The following WWOX variants were observed in gnomAD, a reference collection of about 807,000 sequenced individuals.
WWOX encodes the protein WW domain-containing oxidoreductase.
A neutral mutation model predicts 46.2 loss-of-function variants in WWOX; 69 were observed. That is an observed-to-expected ratio of 1.49 (90% CI 1.23 to 1.82). The LOEUF is 1.82. WWOX is among the 40% of genes most tolerant of loss of function. The pLI is 0.00. For synonymous variants in WWOX, 359 were observed against 202.6 expected (o/e 1.77, Z -6.56); for missense variants, 919 against 542.6 (o/e 1.69, Z -6.89).
intron 8 of WWOX, among the ~76,000 whole-genome samples, chr16:79,149,658 A>G (rs1333295955): frequency 6.6e-6 from 1 of 152,214 alleles, no homozygotes; most frequent in Admixed American, 6.5e-5. Flanking sequence ...TGTCTCATAA[A>G]TAATCTGCCT....
intron 8 of WWOX, among the ~76,000 whole-genome samples, chr16:78,719,503 T>C (rs1304898991): frequency 6.6e-6 from 1 of 152,212 alleles, no homozygotes; most frequent in African/African-American, 2.4e-5. Flanking sequence ...GAGGAGTGTC[T>C]AGATGAAATG....
chr16:78,498,900 C>T (rs984229477), intron 8 of WWOX, among the ~76,000 whole-genome samples: 1 of 152,042 alleles, frequency 6.6e-6, no homozygotes, highest in African/African-American at 2.4e-5. Context: ...GCAACTTCCT[C>T]GATTGTCTCT....
At position 78,668,533 on chromosome 16, in the gene WWOX, C is replaced by T. The variant is rs142166017; in HGVS notation, c.1056+235781C>T. Among the ~76,000 whole-genome samples the T allele has an allele frequency of 9.9e-5, 15 of 152,232 alleles. No individual in the cohort carries two copies. The East Asian group carries it at 2.9e-3, about 30-fold the overall frequency. Reference sequence around the variant, plus strand: ...TTGAGTAAGAACAAGCAGGAACAAACAATTAGAACATTTAGTGTGGCAAGG... The same window carrying T: ...TTGAGTAAGAACAAGCAGGAACAAATAATTAGAACATTTAGTGTGGCAAGG... On this transcript the variant is annotated intron_variant, in intron 8 of 8. Coordinates refer to ENST00000566780, the MANE Select transcript of WWOX (RefSeq NM_016373.4).
chr16:78,863,166 C>T (rs1351826668), intron 8 of WWOX, among the ~76,000 whole-genome samples: 1 of 152,046 alleles, frequency 6.6e-6, no homozygotes, highest in Non-Finnish European at 1.5e-5. Context: ...CCATGTTGGC[C>T]AGACTGGTCT....
intron 5 of WWOX, among the ~76,000 whole-genome samples, chr16:78,217,433 A>C (rs1192288252): frequency 6.6e-6 from 1 of 152,210 alleles, no homozygotes; most frequent in Admixed American, 6.5e-5. Context: ...TGAGCAGCAG[A>C]ACAAAAATCG....
intron 8 of WWOX, chr16:79,004,168 C>A (rs902697235): frequency 6.6e-6 from 1 of 152,196 alleles, no homozygotes; most frequent in African/African-American, 2.4e-5. Context: ...AGAGAGAAGA[C>A]CACTGGTTTT....
At chr16:79,211,414 C>G (rs902211318) in intron 8 of WWOX, among the ~76,000 whole-genome samples, 194 bp from the exon 9 acceptor site, 12 of 152,122 alleles carry the variant, frequency 7.9e-5, no homozygotes, top group African/African-American at 2.9e-4. Context: ...AGTTTATGAA[C>G]TCGTTTTTCC....
At position 78,699,375 on chromosome 16, in the gene WWOX, A is replaced by T. The variant is rs950869987; in HGVS notation, c.1056+266623A>T. 2.8e-5 allele frequency among the ~76,000 whole-genome samples: 3 copies of T among 107,456 alleles called. No homozygotes were observed. The East Asian group carries it at 6.2e-4, about 22-fold the overall frequency. 70.5% of individuals were successfully genotyped at this position (107,456 alleles called of 152,430 possible). On this transcript the variant is annotated intron_variant, in intron 8 of 8. Transcript: ENST00000566780. ...GAAGCCGTGTTTCTACAAAAAATAC[A>T]AAAAAAAAAAAAAATTAGCCAGGCG...
chr16:79,090,181 T>C (rs1893875382), intron 8 of WWOX: 1 of 151,980 alleles, frequency 6.6e-6, no homozygotes, highest in South Asian at 2.1e-4. Flanking sequence ...GGAAGGCCCA[T>C]AAAAAGGGCT....
chr16:78,975,327 T>C (rs1179113524), intron 8 of WWOX, among the ~76,000 whole-genome samples: 1 of 152,096 alleles, frequency 6.6e-6, no homozygotes, highest in Non-Finnish European at 1.5e-5. Flanking sequence ...TCCTGATTTC[T>C]GGGGGTAGAG....
chr16:78,922,598 C>G (rs371751344), intron 8 of WWOX, among the ~76,000 whole-genome samples: 87 of 152,236 alleles, frequency 5.7e-4, no homozygotes, highest in East Asian at 3.5e-3. Context: ...AGGCTGCTCT[C>G]GAGCTCCTGA....
intron 6 of WWOX, among the ~76,000 whole-genome samples, chr16:78,410,456 A>G (rs2082653482): frequency 6.6e-6 from 1 of 152,000 alleles, no homozygotes; most frequent in South Asian, 2.1e-4. Context: ...TGACTCAGGA[A>G]TTTAGGGACA....
At chr16:78,236,814 C>T (rs1401856178) in intron 5 of WWOX, among the ~76,000 whole-genome samples, 1 of 152,114 alleles carries the variant, frequency 6.6e-6, no homozygotes, top group Non-Finnish European at 1.5e-5. Flanking sequence ...CGGTGGCTCA[C>T]ACCTGTAATC....
At chr16:79,047,092 C>G (rs1022966474) in intron 8 of WWOX, among the ~76,000 whole-genome samples, 2 of 152,204 alleles carry the variant, frequency 1.3e-5, no homozygotes, top group Non-Finnish European at 2.9e-5. Context: ...TTTCAACCAG[C>G]ATGCCACCCT....
chr16:79,190,006 T>C (rs78062475), intron 8 of WWOX, among the ~76,000 whole-genome samples: 4,477 of 152,084 alleles, frequency 0.029, 233 homozygotes, highest in African/African-American at 0.1. Flanking sequence ...CCCATGGAAA[T>C]GTTTTCATAA....
At chr16:78,221,438 A>G (rs578186495) in intron 5 of WWOX, among the ~76,000 whole-genome samples, 6 of 152,308 alleles carry the variant, frequency 3.9e-5, no homozygotes, top group South Asian at 2.1e-4. Flanking sequence ...TTAATTGTGT[A>G]CTTTGAAGAA....
At chr16:78,742,893 G>T (rs2049263694) in intron 8 of WWOX, among the ~76,000 whole-genome samples, 1 of 152,058 alleles carries the variant, frequency 6.6e-6, no homozygotes, top group Admixed American at 6.5e-5. Flanking sequence ...TCTGGTCAAG[G>T]AAAGGGCCAC....
intron 8 of WWOX, among the ~76,000 whole-genome samples, chr16:79,121,962 C>G (rs2049642433): frequency 6.6e-6 from 1 of 152,086 alleles, no homozygotes; most frequent in Admixed American, 6.5e-5. Context: ...TACTTACGTG[C>G]TACGGATTTA....
chr16:78,559,368 G>A (rs79103831), intron 8 of WWOX, among the ~76,000 whole-genome samples: 8,678 of 152,272 alleles, frequency 0.057, 310 homozygotes, highest in Non-Finnish European at 0.081. Context: ...GGAGGCCAGA[G>A]CCAGGGATGG....
Sources: allele counts gnomAD v4.1 joint callset (sites outside exome capture counted in the v4.1 genomes callset), GRCh38; gene constraint gnomAD v4.1.1; transcripts MANE v1.5; gene names NCBI Gene and HGNC (gene_info 2026-07-23, HGNC 2026-07-21).